Variants in HKDC1 observed in about 807,000 individuals in gnomAD.
HKDC1 encodes the protein hexokinase domain containing 1, also known as hexokinase HKDC1.
HKDC1 carries 66 observed loss-of-function variants against 96.6 expected under a neutral mutation model. That is an observed-to-expected ratio of 0.68 (90% CI 0.56 to 0.84). The LOEUF (loss-of-function observed/expected upper bound fraction) is 0.84. Ranked by LOEUF, HKDC1 falls within the 40% of genes least tolerant of loss-of-function variation. The probability of loss-of-function intolerance (pLI) is 0.00; values close to 1 mark genes in which losing one functional copy is unlikely to be tolerated. For synonymous variants in HKDC1, 466 were observed against 473.1 expected (o/e 0.98, Z 0.20); for missense variants, 1,211 against 1,208.1 (o/e 1.00, Z -0.04).
At chr10:69,237,075 G>A (rs1484823644) in intron 4 of HKDC1, among the ~76,000 whole-genome samples, 2 of 152,244 alleles carry the variant, frequency 1.3e-5, no homozygotes, top group South Asian at 4.1e-4. Context: ...GCAGAGGGAT[G>A]GAAAGGGGAA....
chr10:69,232,577 C>G, intron 2 of HKDC1, 187 bp from the exon 3 acceptor site: 1 of 611,822 alleles, frequency 1.6e-6, no homozygotes, highest in Non-Finnish European at 2.9e-6. Context: ...TAGTTCACAT[C>G]TCAGCTCTGC....
At chr10:69,229,932 C>T (rs1843224954) in intron 2 of HKDC1, among the ~76,000 whole-genome samples, 1 of 152,114 alleles carries the variant, frequency 6.6e-6, no homozygotes. Context: ...AAATCTTGTC[C>T]CAAGTCCTCC....
chr10:69,230,061 T>C, intron 2 of HKDC1, among the ~76,000 whole-genome samples: 1 of 152,194 alleles, frequency 6.6e-6, no homozygotes, highest in East Asian at 1.9e-4. Flanking sequence ...AAGTCCTGAG[T>C]TTGCCTACTC....
rs781675961 is a variant in HKDC1, at chr10:69,239,019, CTG to C, written c.496-22_496-21del. ...CATCTCAGCACGTCTTTCATTCAAACTGGACCTGAAATCTTCTCCCAGGGTGT... is the reference window on the plus strand; with the variant it reads ...CATCTCAGCACGTCTTTCATTCAAACGACCTGAAATCTTCTCCCAGGGTGT... On this transcript the variant is annotated intron_variant, in intron 4 of 17. Coordinates refer to ENST00000354624, the MANE Select transcript of HKDC1 (RefSeq NM_025130.4). 1.9e-6 allele frequency: 3 copies of C among 1,576,484 alleles called. No homozygotes were observed. The African/African-American group carries it at 4.0e-5, about 21-fold the overall frequency.
Position 69,250,346 on chromosome 10 carries a change from G to A in HKDC1, c.1627G>A (p.Val543Met). ...GGGAACCAACTTCCGGGTCCTCCTG[G>A]TGAAGATCAGAAGTGGACGGAGGTC... ...LGGTNFRVLL[V>M]KIRSGRRSVR... The change falls in exon 11 of 18, where the codon GTG (valine) becomes ATG (methionine). Residue 543 changes from valine to methionine, a missense_variant. Transcript: ENST00000354624. The A allele has an allele frequency of 6.2e-7, 1 of 1,614,162 alleles. No individual in the cohort carries two copies. Among genetic ancestry groups the A allele is most frequent in the Non-Finnish European group, 8.5e-7 (1 of 1,180,006 alleles).
chr10:69,249,751 G>A (rs962730144), intron 10 of HKDC1, among the ~76,000 whole-genome samples: 6 of 152,074 alleles, frequency 3.9e-5, no homozygotes, highest in Admixed American at 1.3e-4. Flanking sequence ...CACCTGCCTC[G>A]GCCTCCCAAA....
At chr10:69,255,754 T>C (rs1004208853) in intron 12 of HKDC1, among the ~76,000 whole-genome samples, 5 of 151,860 alleles carry the variant, frequency 3.3e-5, no homozygotes, top group African/African-American at 4.8e-5. Context: ...TCGTCTCTAC[T>C]AAAAATACAA....
chr10:69,227,471 CCT>C, intron 2 of HKDC1, 102 bp downstream of exon 2: 1 of 1,257,350 alleles, frequency 8.0e-7, no homozygotes, highest in East Asian at 2.5e-5. Context: ...TCTCTCTAGC[CCT>C]CTCTCTGCTG....
At chr10:69,244,555 C>T (rs1433310322) in intron 7 of HKDC1, among the ~76,000 whole-genome samples, 1 of 152,086 alleles carries the variant, frequency 6.6e-6, no homozygotes, top group Non-Finnish European at 1.5e-5. Context: ...GTGGCTCATG[C>T]GTGTAATCCC....
At position 69,267,518 on chromosome 10, in the gene HKDC1, G is replaced by C. The variant is rs1332836820; in HGVS notation, c.*761G>C. On this transcript the variant is annotated 3_prime_UTR_variant, in exon 18 of 18. Transcript: ENST00000354624. ...AGGATTGTTAGGTATAGGAAATCCA[G>C]TAAATTAATAAAAAAATTTTGATTT... 2.2e-6 allele frequency: 1 copy of C among 451,136 alleles called. No homozygotes were observed. Among genetic ancestry groups the C allele is most frequent in the Non-Finnish European group, 4.4e-6 (1 of 225,820 alleles). The allele number at this position is 451,136 out of a possible 1,614,324, so 27.9% of individuals were successfully genotyped here.
At chr10:69,246,031 A>G (rs373476454) in intron 7 of HKDC1, 48 bp from the exon 8 acceptor site, 13 of 1,600,256 alleles carry the variant, frequency 8.1e-6, no homozygotes, top group Non-Finnish European at 9.4e-6. Context: ...GAAATGATGC[A>G]GCTTAATCAA....
intron 1 of HKDC1, among the ~76,000 whole-genome samples, chr10:69,225,510 T>C (rs1041625047): frequency 5.3e-5 from 8 of 152,150 alleles, no homozygotes; most frequent in Non-Finnish European, 8.8e-5. Context: ...TGCTAATGGC[T>C]GTCTGATGAT....
intron 7 of HKDC1, 34 bp downstream of exon 7, chr10:69,243,399 C>T: frequency 6.6e-7 from 1 of 1,523,786 alleles, no homozygotes; most frequent in Non-Finnish European, 8.8e-7. Flanking sequence ...TGGGCATCGG[C>T]ACCAGGCAGT....
Position 69,264,868 on chromosome 10 carries a change from ATTAG to A in HKDC1, c.2373-714_2373-711del, listed in dbSNP as rs1389058585. Among the ~76,000 whole-genome samples the A allele has an allele frequency of 7.2e-5, 11 of 152,312 alleles. No homozygotes were observed. In the East Asian group the frequency reaches 2.1e-3, roughly 29 times the overall value. ...GGAGTCAGGGCTCCGTTTAAGTACC[ATTAG>A]TTCACTGTGAGATGACCAGGGTCTA... On this transcript the variant is annotated intron_variant, in intron 16 of 17. Transcript: ENST00000354624.
intron 7 of HKDC1, among the ~76,000 whole-genome samples, chr10:69,244,820 T>A (rs1843512966): frequency 6.6e-6 from 1 of 152,064 alleles, no homozygotes; most frequent in Non-Finnish European, 1.5e-5. Flanking sequence ...AGCAAGACCC[T>A]GTCTCAAAAA....
At chr10:69,247,172 A>G (rs2132357404) in intron 8 of HKDC1, among the ~76,000 whole-genome samples, 188 bp from the exon 9 acceptor site, 1 of 152,270 alleles carries the variant, frequency 6.6e-6, no homozygotes, top group Non-Finnish European at 1.5e-5. Flanking sequence ...TTAGACAAGT[A>G]CCTGGCTCAT....
intron 9 of HKDC1, among the ~76,000 whole-genome samples, chr10:69,248,204 G>A (rs1278852914): frequency 9.4e-6 from 1 of 106,350 alleles, no homozygotes; most frequent in African/African-American, 3.8e-5. Context: ...AATGTTCGTT[G>A]ACAGAATAAG....
intron 6 of HKDC1, among the ~76,000 whole-genome samples, chr10:69,242,512 A>G (rs1843470819): frequency 6.6e-6 from 1 of 151,574 alleles, no homozygotes; most frequent in Admixed American, 6.6e-5. Context: ...TATACGATTC[A>G]ATGATTTGTA....
At position 69,267,503 on chromosome 10, in the gene HKDC1, G is replaced by A. The variant is rs1334030267; in HGVS notation, c.*746G>A. On this transcript the variant is annotated 3_prime_UTR_variant, in exon 18 of 18. Transcript: ENST00000354624. ...TTGATAGTTGTTTTAAGGATTGTTA[G>A]GTATAGGAAATCCAGTAAATTAATA... 1.1e-5 allele frequency: 5 copies of A among 453,632 alleles called. No individual in the cohort carries two copies. Among genetic ancestry groups the A allele is most frequent in the Non-Finnish European group, 2.2e-5 (5 of 226,386 alleles). The allele number at this position is 453,632 out of a possible 1,614,324, so 28.1% of individuals were successfully genotyped here.
Sources: gnomAD v4.1 joint callset for allele counts (sites outside exome capture counted in the v4.1 genomes callset) on GRCh38, gnomAD v4.1.1 for gene constraint, MANE v1.5 for transcripts, NCBI Gene and HGNC (gene_info 2026-07-23, HGNC 2026-07-21) for gene names.